Variants in NBAS observed in about 807,000 individuals in gnomAD.
NBAS encodes the protein NAG/BC035112 fusion.
NBAS carries 219 observed loss-of-function variants against 302.5 expected under a neutral mutation model. The ratio of observed to expected loss-of-function variants is 0.72; its 90% CI spans 0.65 to 0.81. NBAS has a LOEUF of 0.81. Ranked by LOEUF, NBAS falls within the 30% of genes least tolerant of loss-of-function variation. The probability of loss-of-function intolerance (pLI) is 0.00; values close to 1 mark genes in which losing one functional copy is unlikely to be tolerated. For missense variants in NBAS, 2,932 were observed against 2,841.6 expected (o/e 1.03, Z -0.72); for synonymous variants, 1,118 against 1,021.6 (o/e 1.09, Z -1.80).
intron 48 of NBAS, among the ~76,000 whole-genome samples, chr2:15,209,455 C>T (rs73194953): frequency 0.025 from 3,778 of 152,078 alleles, 127 homozygotes; most frequent in African/African-American, 0.082. Flanking sequence ...CCCAGTATTA[C>T]CCTGATACTA....
At chr2:15,492,915 T>A (rs1680921655) in intron 11 of NBAS, among the ~76,000 whole-genome samples, 1 of 151,942 alleles carries the variant, frequency 6.6e-6, no homozygotes, top group South Asian at 2.1e-4. Flanking sequence ...TATTTGGGAG[T>A]CTGAGTGTCT....
the NBAS span, among the ~76,000 whole-genome samples, chr2:14,834,578 G>A: frequency 6.6e-6 from 1 of 152,164 alleles, no homozygotes; most frequent in African/African-American, 2.4e-5. Flanking sequence ...TATGCAAGGT[G>A]CTATTCAGAA....
At chr2:14,843,097 G>A in the NBAS span, among the ~76,000 whole-genome samples, 1 of 152,066 alleles carries the variant, frequency 6.6e-6, no homozygotes, top group African/African-American at 2.4e-5. Flanking sequence ...AATGAAAAAA[G>A]CATTTAATAA....
chr2:15,256,385 C>T (rs762394053), intron 44 of NBAS, among the ~76,000 whole-genome samples: 7 of 151,918 alleles, frequency 4.6e-5, no homozygotes, highest in Non-Finnish European at 7.4e-5. Context: ...CATAGCAGTG[C>T]CACTGATTTG....
At chr2:14,960,737 T>A in the NBAS span, among the ~76,000 whole-genome samples, 7 of 152,204 alleles carry the variant, frequency 4.6e-5, no homozygotes. Context: ...AAATGCCGAG[T>A]TGTTTTATTC....
chr2:14,867,013 T>C, the NBAS span, among the ~76,000 whole-genome samples: 1 of 152,166 alleles, frequency 6.6e-6, no homozygotes, highest in African/African-American at 2.4e-5. Flanking sequence ...CCATAGAATT[T>C]TGTGCCAAAA....
At chr2:14,898,847 A>C in the NBAS span, among the ~76,000 whole-genome samples, 19 of 152,298 alleles carry the variant, frequency 1.2e-4, no homozygotes, top group African/African-American at 4.3e-4. Context: ...CTTTATCAGC[A>C]GTGTAAAAAT....
chr2:15,098,369 A>C, the NBAS span, among the ~76,000 whole-genome samples: 575 of 23,736 alleles, frequency 0.024, 223 homozygotes, highest in African/African-American at 0.14. Context: ...ATTGTATATA[A>C]TATATTATAT....
At chr2:15,177,459 G>A (rs907597498) in intron 51 of NBAS, among the ~76,000 whole-genome samples, 13 of 152,144 alleles carry the variant, frequency 8.5e-5, no homozygotes, top group Non-Finnish European at 7.3e-5. Context: ...TTGAGATAAA[G>A]AATCTTTAAA....
chr2:14,942,948 C>G, the NBAS span, among the ~76,000 whole-genome samples: 2 of 152,246 alleles, frequency 1.3e-5, no homozygotes, highest in African/African-American at 2.4e-5. Flanking sequence ...CCAGGGACCT[C>G]TCTGCAGATC....
intron 48 of NBAS, among the ~76,000 whole-genome samples, chr2:15,199,103 G>C (rs547994105): frequency 7.0e-6 from 1 of 142,990 alleles, no homozygotes; most frequent in Non-Finnish European, 1.5e-5. Context: ...CTCCAGCCTG[G>C]GCGACAGAGT....
intron 34 of NBAS, 29 bp downstream of exon 34, chr2:15,353,524 G>A: frequency 1.2e-6 from 2 of 1,613,394 alleles, no homozygotes; most frequent in Non-Finnish European, 8.5e-7. Context: ...CGTCATACAG[G>A]TTAGGATTTC....
intron 50 of NBAS, among the ~76,000 whole-genome samples, chr2:15,181,034 A>G (rs1192201542): frequency 1.3e-5 from 2 of 152,180 alleles, no homozygotes; most frequent in African/African-American, 4.8e-5. Context: ...TTTATCTTGT[A>G]TTATGGTAGT....
At chr2:15,427,313 G>C (rs1343221388) in intron 22 of NBAS, among the ~76,000 whole-genome samples, 3 of 151,846 alleles carry the variant, frequency 2.0e-5, no homozygotes, top group Non-Finnish European at 4.4e-5. Context: ...CCCCCCTTCT[G>C]CAGTACTGGA....
the NBAS span, among the ~76,000 whole-genome samples, chr2:14,825,283 G>C: frequency 6.6e-6 from 1 of 152,216 alleles, no homozygotes; most frequent in South Asian, 2.1e-4. Flanking sequence ...ATTCCTCTTG[G>C]AATAGAATAG....
the NBAS span, among the ~76,000 whole-genome samples, chr2:14,936,887 G>A: frequency 6.6e-6 from 1 of 152,148 alleles, no homozygotes; most frequent in African/African-American, 2.4e-5. Flanking sequence ...GATAAGGAAG[G>A]AGGGTTCTGC....
At position 15,533,925 on chromosome 2, in the gene NBAS, G is replaced by T. The variant is rs557583753; in HGVS notation, c.746+618C>A. The stretch of plus-strand genomic sequence containing the variant: ...GTTATGTTTGTCTTATTCAAAATAT[G>T]ATACTCTTCCCATTTATGAAACCAA... On this transcript the variant is annotated intron_variant, in intron 9 of 51. Coordinates refer to ENST00000281513, the MANE Select transcript of NBAS (RefSeq NM_015909.4). Among the ~76,000 whole-genome samples the T allele has an allele frequency of 5.2e-4, 79 of 152,228 alleles. 1 individual carries two copies. In the South Asian group the frequency reaches 0.016, roughly 31 times the overall value.
At chr2:15,521,292 C>G (rs1024597722) in intron 9 of NBAS, among the ~76,000 whole-genome samples, 5 of 152,030 alleles carry the variant, frequency 3.3e-5, no homozygotes, top group Non-Finnish European at 5.9e-5. Flanking sequence ...GAGATGTGAC[C>G]AAAGAAACAC....
chr2:15,331,001 C>T (rs761722947), intron 35 of NBAS, among the ~76,000 whole-genome samples: 1 of 151,894 alleles, frequency 6.6e-6, no homozygotes, highest in African/African-American at 2.4e-5. Context: ...AGAGAAAAAC[C>T]CCATAGTGTA....
Sources: gnomAD v4.1 joint callset for allele counts (sites outside exome capture counted in the v4.1 genomes callset) on GRCh38, gnomAD v4.1.1 for gene constraint, MANE v1.5 for transcripts, NCBI Gene and HGNC (gene_info 2026-07-23, HGNC 2026-07-21) for gene names.